The following WNT3A variants were observed in gnomAD, a reference collection of about 807,000 sequenced individuals.
The protein encoded by WNT3A is Wnt family member 3A.
A neutral mutation model predicts 37.0 loss-of-function variants in WNT3A; 17 were observed. The ratio of observed to expected loss-of-function variants is 0.46; its 90% CI spans 0.31 to 0.69. The LOEUF (loss-of-function observed/expected upper bound fraction) is 0.69, where lower values mean the gene tolerates loss of function less well. WNT3A is among the 30% of genes least tolerant of loss of function. The pLI is 0.05. For synonymous variants in WNT3A, 187 were observed against 211.0 expected (o/e 0.89, Z 0.99); for missense variants, 411 against 510.2 (o/e 0.81, Z 1.87).
intron 2 of WNT3A, among the ~76,000 whole-genome samples, chr1:228,026,588 T>C (rs1352908426): frequency 6.6e-6 from 1 of 152,196 alleles, no homozygotes; most frequent in East Asian, 1.9e-4. Context: ...AACCAATATG[T>C]AGTGTTTTAT....
chr1:228,026,136 ATT>A (rs35216745), intron 2 of WNT3A, among the ~76,000 whole-genome samples: 23 of 150,478 alleles, frequency 1.5e-4, no homozygotes, highest in African/African-American at 2.4e-4. Context: ...CAAGAAATAC[ATT>A]TTTTTTTTTA....
intron 1 of WNT3A, among the ~76,000 whole-genome samples, chr1:228,020,971 G>T (rs947935470): frequency 2.0e-5 from 3 of 152,152 alleles, no homozygotes; most frequent in African/African-American, 7.2e-5. Context: ...ATAAGCATAA[G>T]GAACTCTCTC....
At chr1:228,028,031 G>C (rs2030894285) in intron 2 of WNT3A, among the ~76,000 whole-genome samples, 1 of 152,110 alleles carries the variant, frequency 6.6e-6, no homozygotes, top group Admixed American at 6.6e-5. Flanking sequence ...TAAGTAGGGT[G>C]ACCTTTTTCC....
intron 1 of WNT3A, among the ~76,000 whole-genome samples, chr1:228,010,059 C>T (rs866802901): frequency 6.6e-6 from 1 of 152,226 alleles, no homozygotes; most frequent in African/African-American, 2.4e-5. Flanking sequence ...CCCATGAGGC[C>T]ACAGACGGCA....
chr1:228,056,854 G>T (rs1297675585), intron 3 of WNT3A, among the ~76,000 whole-genome samples: 1 of 152,186 alleles, frequency 6.6e-6, no homozygotes, highest in African/African-American at 2.4e-5. Context: ...AAAGCTAGAA[G>T]AAAACAGTAA....
At chr1:228,046,971 AG>A (rs544520794) in intron 2 of WNT3A, among the ~76,000 whole-genome samples, 1 of 152,204 alleles carries the variant, frequency 6.6e-6, no homozygotes, top group South Asian at 2.1e-4. Flanking sequence ...GGGGCCTCCT[AG>A]GGGCCTCTTC....
intron 1 of WNT3A, among the ~76,000 whole-genome samples, chr1:228,009,186 C>T (rs75837606): frequency 6.6e-6 from 1 of 152,020 alleles, no homozygotes; most frequent in Non-Finnish European, 1.5e-5. Flanking sequence ...GCAGCCTCCC[C>T]TTGGGGGAGG....
At chr1:228,020,314 C>T (rs1453923192) in intron 1 of WNT3A, among the ~76,000 whole-genome samples, 1 of 152,284 alleles carries the variant, frequency 6.6e-6, no homozygotes, top group African/African-American at 2.4e-5. Context: ...GGCCCCTCTG[C>T]TGGCGTTCCT....
chr1:228,014,490 A>T (rs747709739), intron 1 of WNT3A, among the ~76,000 whole-genome samples: 28 of 152,310 alleles, frequency 1.8e-4, no homozygotes, highest in South Asian at 6.2e-4. Context: ...CCAGGCCTGG[A>T]CTTGAGAAAC....
chr1:228,009,425 C>G (rs1054997155), intron 1 of WNT3A, among the ~76,000 whole-genome samples: 11 of 152,318 alleles, frequency 7.2e-5, no homozygotes, highest in Admixed American at 1.3e-4. Flanking sequence ...GATTCTCTCT[C>G]TTTCTCTGGT....
rs1246300334 is a variant in WNT3A, at chr1:228,008,628, G to A, written c.71+1429G>A. On this transcript the variant is annotated intron_variant, in intron 1 of 3. Transcript: ENST00000284523. The surrounding 1 kb of genome is among the most constrained non-coding windows in gnomAD (Gnocchi z 4.9). ...GCTCGCCTTGGGGTGCGGGGATACT[G>A]ACGCGCGTCCAGACGGCCGCAGGGA... Among the ~76,000 whole-genome samples, 1 of 152,144 alleles carries A rather than the reference G, an allele frequency of 6.6e-6. No individual in the cohort carries two copies. Among genetic ancestry groups the A allele is most frequent in the African/African-American group, 2.4e-5 (1 of 41,450 alleles).
At chr1:228,012,297 G>C (rs903518079) in intron 1 of WNT3A, among the ~76,000 whole-genome samples, 1 of 152,220 alleles carries the variant, frequency 6.6e-6, no homozygotes, top group African/African-American at 2.4e-5. Context: ...TCTCAATGTG[G>C]GGCCTACCAT....
At chr1:228,049,221 T>C (rs2031491163) in intron 2 of WNT3A, among the ~76,000 whole-genome samples, 1 of 152,092 alleles carries the variant, frequency 6.6e-6, no homozygotes, top group Non-Finnish European at 1.5e-5. Flanking sequence ...AGGAAGGCAA[T>C]GGCAAGTGGC....
intron 2 of WNT3A, among the ~76,000 whole-genome samples, chr1:228,041,134 C>T (rs2031277178): frequency 6.6e-6 from 1 of 151,912 alleles, no homozygotes; most frequent in Admixed American, 6.6e-5. Context: ...CAGATGCTCT[C>T]TGATACTTGA....
chr1:228,045,089 C>A (rs2031370048), intron 2 of WNT3A, among the ~76,000 whole-genome samples: 1 of 152,224 alleles, frequency 6.6e-6, no homozygotes, highest in African/African-American at 2.4e-5. Flanking sequence ...GCCCTCAGCA[C>A]CACCCGCCCT....
chr1:228,053,903 A>G (rs376063907), intron 3 of WNT3A, among the ~76,000 whole-genome samples: 2 of 152,328 alleles, frequency 1.3e-5, no homozygotes, highest in South Asian at 4.1e-4. Flanking sequence ...CTTCCATAAA[A>G]TGATTTTTAA....
intron 2 of WNT3A, among the ~76,000 whole-genome samples, chr1:228,044,507 T>C (rs755654099): frequency 2.2e-4 from 34 of 152,332 alleles, no homozygotes; most frequent in Non-Finnish European, 1.0e-4. Flanking sequence ...TTAGGCATTT[T>C]GCAGAACAGC....
chr1:228,043,610 C>G (rs951561737), intron 2 of WNT3A, among the ~76,000 whole-genome samples: 11 of 152,194 alleles, frequency 7.2e-5, no homozygotes, highest in African/African-American at 2.7e-4. Context: ...ACTTGGTTTC[C>G]GTGGAGGCTG....
At chr1:228,025,260 G>A (rs1421321397) in intron 2 of WNT3A, among the ~76,000 whole-genome samples, 1 of 152,162 alleles carries the variant, frequency 6.6e-6, no homozygotes, top group African/African-American at 2.4e-5. Flanking sequence ...GCCTTGGGAA[G>A]CATTGCCTCC....
Sources: allele counts gnomAD v4.1 joint callset (sites outside exome capture counted in the v4.1 genomes callset), GRCh38; gene constraint gnomAD v4.1.1; non-coding constraint Gnocchi (gnomAD v3.1); transcripts MANE v1.5; gene names NCBI Gene and HGNC (gene_info 2026-07-23, HGNC 2026-07-21).